KCNJ3: variants seen among roughly 807,000 people sequenced by gnomAD.
The protein encoded by KCNJ3 is G protein-activated inward rectifier potassium channel 1.
KCNJ3 carries 4 observed loss-of-function variants against 39.2 expected under a neutral mutation model. The ratio of observed to expected loss-of-function variants is 0.10; its 90% CI spans 0.05 to 0.23. The LOEUF (loss-of-function observed/expected upper bound fraction) is 0.23. Among genes scored for constraint, KCNJ3 ranks in the 10% least tolerant of loss-of-function variants. The pLI, the probability that KCNJ3 is intolerant of heterozygous loss-of-function variation, is 1.00. For synonymous variants in KCNJ3, 230 were observed against 237.4 expected, an observed-to-expected ratio of 0.97 and a Z score of 0.29; for missense variants, 276 against 634.9, an observed-to-expected ratio of 0.43 and a Z score of 6.08.
chr2:154,783,867 A>AATAAAT, intron 2 of KCNJ3, among the ~76,000 whole-genome samples: 1 of 152,316 alleles, frequency 6.6e-6, no homozygotes, highest in Non-Finnish European at 1.5e-5. Context: ...GCAACCTTAG[A>AATAAAT]ATAAATTTGG....
At position 154,699,411 on chromosome 2, in the gene KCNJ3, G is replaced by T; in HGVS notation, c.636G>T (p.Met212Ile). The change falls in exon 1 of 3, where the codon ATG (methionine) becomes ATT (isoleucine). Residue 212 changes from methionine (M) to isoleucine (I), a missense_variant. Physicochemically the swap from Met to Ile is conservative, Grantham distance 10. This residue lies in a region of KCNJ3 where 77 missense variants were observed against 200.0 expected (regional missense o/e 0.38). Transcript: ENST00000295101. The surrounding 1 kb of genome is among the most constrained non-coding windows in gnomAD (Gnocchi z 6.4). ...ISMRDGKLTL[M>I]FRVGNLRNSH... ...TGAGGGACGGAAAACTCACGCTTAT[G>T]TTCCGGGTGGGCAACCTGCGCAACA... 1 of 1,605,780 alleles carries T rather than the reference G, an allele frequency of 6.2e-7. No individual in the cohort carries two copies.
intron 2 of KCNJ3, among the ~76,000 whole-genome samples, chr2:154,823,073 G>A (rs540961147): frequency 6.6e-6 from 1 of 151,996 alleles, no homozygotes; most frequent in South Asian, 2.1e-4. Flanking sequence ...GTACATGTTT[G>A]AAGTACATTG....
At chr2:154,787,527 T>G (rs917492196) in intron 2 of KCNJ3, among the ~76,000 whole-genome samples, 2 of 152,150 alleles carry the variant, frequency 1.3e-5, no homozygotes, top group African/African-American at 4.8e-5. Context: ...AAAGGGTGAA[T>G]GTGACTATTC....
intron 2 of KCNJ3, among the ~76,000 whole-genome samples, chr2:154,742,216 G>C (rs1241781436): frequency 6.6e-6 from 1 of 151,746 alleles, no homozygotes; most frequent in Non-Finnish European, 1.5e-5. Context: ...TGTCAGAATT[G>C]TCTTCCATTT....
intron 1 of KCNJ3, among the ~76,000 whole-genome samples, chr2:154,704,834 T>C (rs1049851808): frequency 2.0e-5 from 3 of 149,686 alleles, no homozygotes; most frequent in Non-Finnish European, 4.4e-5. Flanking sequence ...TCATTCCATG[T>C]AATTTTTTTT....
At chr2:154,754,357 T>A (rs550266306) in intron 2 of KCNJ3, among the ~76,000 whole-genome samples, 2 of 152,298 alleles carry the variant, frequency 1.3e-5, no homozygotes, top group Admixed American at 6.5e-5. Context: ...GCAGCCAACC[T>A]CTGCCTCCTG....
chr2:154,830,873 T>TTTATC (rs1687349518), intron 2 of KCNJ3, among the ~76,000 whole-genome samples: 1 of 152,186 alleles, frequency 6.6e-6, no homozygotes, highest in South Asian at 2.1e-4. Context: ...ATTTACTATT[T>TTTATC]TTATCTTTCC....
chr2:154,717,080 G>A (rs551754046), intron 2 of KCNJ3, among the ~76,000 whole-genome samples: 10 of 152,300 alleles, frequency 6.6e-5, no homozygotes, highest in Admixed American at 2.6e-4. Flanking sequence ...AAGGAGGTCC[G>A]AGAAGTCTCT....
intron 2 of KCNJ3, among the ~76,000 whole-genome samples, chr2:154,795,029 T>C (rs1838674): frequency 0.15 from 22,987 of 151,898 alleles, 1,991 homozygotes; most frequent in East Asian, 0.39. Context: ...ATGAGGGATA[T>C]ATACCTGTAA....
chr2:154,855,057 T>TGAGG lies in KCNJ3; in HGVS notation c.1251_1254dup (p.Met419GlufsTer37). ...AGAGAAGACTTTCCCAAAAAACTCTTGAGGATGAGTTCTACAACTTCAGAA... is the reference window on the plus strand; with the variant it reads ...AGAGAAGACTTTCCCAAAAAACTCTTGAGGGAGGATGAGTTCTACAACTTCAGAA... On this transcript the variant is annotated frameshift_variant, in exon 3 of 3. Coordinates refer to ENST00000295101, the MANE Select transcript of KCNJ3 (RefSeq NM_002239.4). LOFTEE classifies it high-confidence loss of function. 1 of 1,614,032 alleles carries TGAGG rather than the reference T, an allele frequency of 6.2e-7. No homozygotes were observed. Among genetic ancestry groups the TGAGG allele is most frequent in the Non-Finnish European group, 8.5e-7 (1 of 1,179,950 alleles).
At chr2:154,844,690 A>G (rs570315859) in intron 2 of KCNJ3, among the ~76,000 whole-genome samples, 108 of 152,068 alleles carry the variant, frequency 7.1e-4, no homozygotes, top group African/African-American at 2.2e-3. Context: ...ACCACCTCGC[A>G]GATTGATCTC....
chr2:154,808,103 CAT>C (rs1292060682), intron 2 of KCNJ3, among the ~76,000 whole-genome samples: 3 of 143,810 alleles, frequency 2.1e-5, no homozygotes, highest in African/African-American at 7.8e-5. Context: ...TTTTTTGAGA[CAT>C]AGTCTTACTC....
chr2:154,814,366 A>C (rs561629536), intron 2 of KCNJ3, among the ~76,000 whole-genome samples: 10 of 152,254 alleles, frequency 6.6e-5, no homozygotes, highest in African/African-American at 2.4e-4. Context: ...GGCTGGGTGC[A>C]GTGGCTTATG....
At chr2:154,744,142 G>T (rs1685697808) in intron 2 of KCNJ3, among the ~76,000 whole-genome samples, 1 of 151,604 alleles carries the variant, frequency 6.6e-6, no homozygotes. Flanking sequence ...AGATTAAATT[G>T]ATTGATTTTG....
At chr2:154,763,491 C>T (rs911568322) in intron 2 of KCNJ3, among the ~76,000 whole-genome samples, 3 of 151,862 alleles carry the variant, frequency 2.0e-5, no homozygotes, top group African/African-American at 7.3e-5. Context: ...ATGTCACCAT[C>T]GACCATCTAT....
intron 1 of KCNJ3, among the ~76,000 whole-genome samples, chr2:154,704,181 T>C (rs924904421): frequency 5.3e-5 from 8 of 152,086 alleles, no homozygotes; most frequent in African/African-American, 1.9e-4. Flanking sequence ...TTTAATATTA[T>C]TCCTGAAAAG....
chr2:154,712,938 C>G (rs1171685215), intron 2 of KCNJ3, among the ~76,000 whole-genome samples: 1 of 151,740 alleles, frequency 6.6e-6, no homozygotes, highest in Non-Finnish European at 1.5e-5. Context: ...GGGGGAAGAG[C>G]GTGGCAGATG....
chr2:154,698,904 G>A lies in KCNJ3; in HGVS notation c.129G>A (p.Arg43=). 1 of 1,614,198 alleles carries A rather than the reference G, an allele frequency of 6.2e-7. No individual in the cohort carries two copies. The highest frequency in any genetic ancestry group is 1.3e-5 in the African/African-American group (1 of 75,066). The change falls in exon 1 of 3, where the codon CGG becomes CGA. Residue 43 remains arginine, a synonymous_variant. Coordinates refer to ENST00000295101, the MANE Select transcript of KCNJ3 (RefSeq NM_002239.4). ...AGCAGCTTGTGCCCAAGAAGAAGCG[G>A]CAGCGGTTCGTGGACAAGAACGGCC... ...PQQQLVPKKK[R]QRFVDKNGRC...
At chr2:154,828,640 T>C (rs1161246170) in intron 2 of KCNJ3, among the ~76,000 whole-genome samples, 1 of 152,208 alleles carries the variant, frequency 6.6e-6, no homozygotes, top group Non-Finnish European at 1.5e-5. Context: ...TAGTCCAATG[T>C]GAAGCACAAG....
Sources: allele counts gnomAD v4.1 joint callset (sites outside exome capture counted in the v4.1 genomes callset), GRCh38; gene constraint gnomAD v4.1.1; regional missense constraint gnomAD v4.1.1; non-coding constraint Gnocchi (gnomAD v3.1); transcripts MANE v1.5; gene names NCBI Gene and HGNC (gene_info 2026-07-23, HGNC 2026-07-21).